The following PAK5 variants were observed in gnomAD, a reference collection of about 807,000 sequenced individuals.
PAK5 encodes the protein serine/threonine-protein kinase PAK 5.
PAK5 carries 16 observed loss-of-function variants against 65.9 expected under a neutral mutation model. The observed-to-expected ratio is 0.24, with a 90% CI of 0.16 to 0.37. The LOEUF (loss-of-function observed/expected upper bound fraction) is 0.37, where lower values mean the gene tolerates loss of function less well. Among genes scored for constraint, PAK5 ranks in the 10% least tolerant of loss-of-function variants. PAK5 has a pLI of 1.00. For synonymous variants in PAK5, 371 were observed against 354.9 expected, an observed-to-expected ratio of 1.05 and a Z score of -0.51; for missense variants, 785 against 903.9, an observed-to-expected ratio of 0.87 and a Z score of 1.69.
chr20:9,735,828 C>T (rs1177591334), intron 1 of PAK5, among the ~76,000 whole-genome samples: 1 of 151,764 alleles, frequency 6.6e-6, no homozygotes, highest in Admixed American at 6.6e-5. Flanking sequence ...TAGTTCAAGA[C>T]CAGCCCAGCC....
At chr20:9,715,271 T>C (rs1165966469) in intron 1 of PAK5, among the ~76,000 whole-genome samples, 1 of 152,150 alleles carries the variant, frequency 6.6e-6, no homozygotes, top group African/African-American at 2.4e-5. Context: ...AAGACATTTA[T>C]GCAGCCAACA....
At chr20:9,750,651 G>C (rs1262824637) in intron 1 of PAK5, among the ~76,000 whole-genome samples, 2 of 152,068 alleles carry the variant, frequency 1.3e-5, no homozygotes, top group Admixed American at 1.3e-4. Context: ...ATAACAGATA[G>C]CTCACAGTGT....
intron 3 of PAK5, among the ~76,000 whole-genome samples, chr20:9,617,415 A>T (rs2046677584): frequency 6.6e-6 from 1 of 152,178 alleles, no homozygotes; most frequent in Non-Finnish European, 1.5e-5. Flanking sequence ...TTTTATTTTT[A>T]TACCAGTTGG....
At chr20:9,761,118 C>T (rs1050648075) in intron 1 of PAK5, among the ~76,000 whole-genome samples, 22 of 152,148 alleles carry the variant, frequency 1.4e-4, no homozygotes, top group African/African-American at 5.1e-4. Context: ...TAACCTAACG[C>T]AACAGAAGTT....
intron 1 of PAK5, among the ~76,000 whole-genome samples, chr20:9,753,653 T>G (rs2048601271): frequency 6.6e-6 from 1 of 152,156 alleles, no homozygotes; most frequent in South Asian, 2.1e-4. Flanking sequence ...TGAAATGTGA[T>G]AGCCCATAAA....
chr20:9,665,339 C>T (rs902533338), intron 2 of PAK5, among the ~76,000 whole-genome samples: 3 of 152,096 alleles, frequency 2.0e-5, no homozygotes, highest in African/African-American at 7.2e-5. Flanking sequence ...TCCACCCACT[C>T]CCCTGGGCCC....
At chr20:9,770,714 C>T (rs141220727) in intron 1 of PAK5, among the ~76,000 whole-genome samples, 1,800 of 152,084 alleles carry the variant, frequency 0.012, 39 homozygotes, top group African/African-American at 0.042. Flanking sequence ...AAAATTGGGA[C>T]ATGAAGAGAG....
chr20:9,672,351 GAT>G (rs1032201313), intron 2 of PAK5, among the ~76,000 whole-genome samples: 27 of 148,230 alleles, frequency 1.8e-4, no homozygotes, highest in South Asian at 1.6e-3. Flanking sequence ...GATACTCAGT[GAT>G]ATAGTTTGGC....
At chr20:9,665,757 G>C (rs1258471015) in intron 2 of PAK5, among the ~76,000 whole-genome samples, 1 of 151,612 alleles carries the variant, frequency 6.6e-6, no homozygotes, top group Non-Finnish European at 1.5e-5. Flanking sequence ...GCCTCCTAAA[G>C]TGCTGGGATT....
At chr20:9,748,617 C>T (rs1163467445) in intron 1 of PAK5, among the ~76,000 whole-genome samples, 1 of 152,088 alleles carries the variant, frequency 6.6e-6, no homozygotes, top group Non-Finnish European at 1.5e-5. Flanking sequence ...ACAATATATA[C>T]AACATACTAC....
At chr20:9,588,770 G>T (rs2123053280) in intron 3 of PAK5, among the ~76,000 whole-genome samples, 1 of 152,258 alleles carries the variant, frequency 6.6e-6, no homozygotes, top group African/African-American at 2.4e-5. Flanking sequence ...TTATGCCATG[G>T]AACCTCCAGG....
chr20:9,666,587 G>C lies in PAK5; in HGVS notation c.-11-22248C>G, dbSNP rs931975627. On this transcript the variant is annotated intron_variant, in intron 2 of 9. Coordinates refer to ENST00000353224, the MANE Select transcript of PAK5 (RefSeq NM_177990.4). ...CCTGATCAATGATACCCATTTCCTT[G>C]TTCTCCAAGTGGCCTTCTTACTTCT... Among the ~76,000 whole-genome samples, 16 of 152,068 alleles carry C rather than the reference G, an allele frequency of 1.1e-4. 1 individual carries two copies. Among genetic ancestry groups the C allele is most frequent in the Admixed American group, 8.5e-4 (13 of 15,272 alleles).
chr20:9,550,761 T>TGTGTGTGTGTGTG (rs61241913), intron 7 of PAK5, among the ~76,000 whole-genome samples: 1 of 151,216 alleles, frequency 6.6e-6, no homozygotes, highest in African/African-American at 2.4e-5. Context: ...TGTGTGTGTG[T>TGTGTGTGTGTGTG]TTATTTCCAA....
At chr20:9,704,755 A>G (rs554519537) in intron 2 of PAK5, among the ~76,000 whole-genome samples, 1 of 152,320 alleles carries the variant, frequency 6.6e-6, no homozygotes, top group Non-Finnish European at 1.5e-5. Context: ...GCAGCAAGAC[A>G]AAGTGAGACG....
chr20:9,641,365 G>C (rs559544576), intron 3 of PAK5, among the ~76,000 whole-genome samples: 1 of 149,852 alleles, frequency 6.7e-6, no homozygotes, highest in Non-Finnish European at 1.5e-5. Flanking sequence ...ACAGAGTGTC[G>C]ACTGGTGCAC....
At chr20:9,762,118 A>G (rs1038037464) in intron 1 of PAK5, among the ~76,000 whole-genome samples, 3 of 152,152 alleles carry the variant, frequency 2.0e-5, no homozygotes, top group Non-Finnish European at 4.4e-5. Flanking sequence ...TCAACTTAAA[A>G]TGGATTAAAG....
intron 2 of PAK5, among the ~76,000 whole-genome samples, chr20:9,707,501 T>C (rs1258610781): frequency 6.6e-6 from 1 of 152,230 alleles, no homozygotes; most frequent in Non-Finnish European, 1.5e-5. Context: ...GTAGATTGTT[T>C]GCAATCTAGT....
At chr20:9,665,725 C>A (rs779292317) in intron 2 of PAK5, among the ~76,000 whole-genome samples, 1 of 151,666 alleles carries the variant, frequency 6.6e-6, no homozygotes, top group African/African-American at 2.4e-5. Flanking sequence ...AACTTCTGGC[C>A]TCAAGCAATC....
At chr20:9,551,152 A>T (rs2045422133) in intron 7 of PAK5, among the ~76,000 whole-genome samples, 1 of 152,208 alleles carries the variant, frequency 6.6e-6, no homozygotes, top group African/African-American at 2.4e-5. Context: ...ATTGCACACA[A>T]CATTTGTCCA....
Sources: gnomAD v4.1 joint callset for allele counts (sites outside exome capture counted in the v4.1 genomes callset) on GRCh38, gnomAD v4.1.1 for gene constraint, MANE v1.5 for transcripts, NCBI Gene and HGNC (gene_info 2026-07-23, HGNC 2026-07-21) for gene names.